POU6F2: variants seen among roughly 807,000 people sequenced by gnomAD.
POU6F2 encodes the protein POU domain, class 6, transcription factor 2.
POU6F2 carries 31 observed loss-of-function variants against 71.3 expected under a neutral mutation model. The observed-to-expected ratio is 0.43, with a 90% CI of 0.33 to 0.59. POU6F2 has a LOEUF of 0.59. Among genes scored for constraint, POU6F2 ranks in the 20% least tolerant of loss-of-function variants. The pLI, the probability that POU6F2 is intolerant of heterozygous loss-of-function variation, is 0.04. For missense variants in POU6F2, 783 were observed against 856.8 expected (o/e 0.91, Z 1.07); for synonymous variants, 347 against 355.7 (o/e 0.98, Z 0.27).
At chr7:39,080,636 T>C (rs1791098761) in intron 1 of POU6F2, among the ~76,000 whole-genome samples, 1 of 152,220 alleles carries the variant, frequency 6.6e-6, no homozygotes, top group South Asian at 2.1e-4. Context: ...ATGAATTGTT[T>C]CCCTGGATTT....
At chr7:39,099,822 C>G (rs867038342) in intron 2 of POU6F2, among the ~76,000 whole-genome samples, 12 of 152,116 alleles carry the variant, frequency 7.9e-5, no homozygotes, top group Admixed American at 1.3e-4. Flanking sequence ...CGTATTTTTC[C>G]AAGGTCTGAG....
chr7:39,157,146 C>T (rs1422237631), intron 2 of POU6F2, among the ~76,000 whole-genome samples: 1 of 152,174 alleles, frequency 6.6e-6, no homozygotes, highest in South Asian at 2.1e-4. Flanking sequence ...TGTTCAATTC[C>T]GGTGGGGGAA....
intron 4 of POU6F2, among the ~76,000 whole-genome samples, chr7:39,321,954 T>A (rs1785404831): frequency 7.0e-6 from 1 of 143,740 alleles, no homozygotes; most frequent in East Asian, 2.0e-4. Flanking sequence ...ATTACATGAG[T>A]CCAGACAAAC....
At chr7:39,248,129 C>T (rs1190152144) in intron 4 of POU6F2, among the ~76,000 whole-genome samples, 2 of 152,020 alleles carry the variant, frequency 1.3e-5, no homozygotes, top group Non-Finnish European at 2.9e-5. Flanking sequence ...AGCACAGTGG[C>T]ATTACTACTC....
intron 4 of POU6F2, among the ~76,000 whole-genome samples, chr7:39,229,004 C>G (rs1399990563): frequency 6.6e-6 from 1 of 152,150 alleles, no homozygotes; most frequent in Non-Finnish European, 1.5e-5. Context: ...ACAAGTACAT[C>G]CCTGCTGATC....
intron 1 of POU6F2, among the ~76,000 whole-genome samples, chr7:39,026,726 T>C (rs950813208): frequency 1.3e-5 from 2 of 152,168 alleles, no homozygotes; most frequent in Non-Finnish European, 2.9e-5. Flanking sequence ...ATTGTGCACA[T>C]GTACCCTAAA....
At chr7:39,200,471 G>T (rs530588135) in intron 2 of POU6F2, among the ~76,000 whole-genome samples, 1 of 152,234 alleles carries the variant, frequency 6.6e-6, no homozygotes, top group South Asian at 2.1e-4. Flanking sequence ...TGGACTAAAG[G>T]AAGCAACTCT....
chr7:39,159,927 C>T (rs929312066), intron 2 of POU6F2, among the ~76,000 whole-genome samples: 2 of 152,170 alleles, frequency 1.3e-5, no homozygotes, highest in Non-Finnish European at 2.9e-5. Context: ...CAGAAAGACA[C>T]GCCTTCCCAG....
chr7:39,433,556 T>G (rs12112347), intron 7 of POU6F2, among the ~76,000 whole-genome samples: 1 of 152,208 alleles, frequency 6.6e-6, no homozygotes, highest in Non-Finnish European at 1.5e-5. Flanking sequence ...TGTATTCTTA[T>G]TAATCTGTGC....
At chr7:39,266,341 A>G (rs1784240124) in intron 4 of POU6F2, among the ~76,000 whole-genome samples, 1 of 152,166 alleles carries the variant, frequency 6.6e-6, no homozygotes. Flanking sequence ...ATCGTTTTGC[A>G]CCACAAGGAT....
At chr7:39,330,897 T>TA (rs1785632381) in intron 4 of POU6F2, among the ~76,000 whole-genome samples, 1 of 152,214 alleles carries the variant, frequency 6.6e-6, no homozygotes, top group South Asian at 2.1e-4. Flanking sequence ...TATCTAATTT[T>TA]AAGTCTGTAC....
chr7:39,030,500 C>CA (rs1789911574), intron 1 of POU6F2, among the ~76,000 whole-genome samples: 1 of 46,246 alleles, frequency 2.2e-5, no homozygotes, highest in Non-Finnish European at 4.2e-5. Context: ...TCAAAAAATA[C>CA]TATATATATA....
At chr7:39,069,790 C>T (rs1525790) in intron 1 of POU6F2, among the ~76,000 whole-genome samples, 6 of 152,112 alleles carry the variant, frequency 3.9e-5, no homozygotes, top group Non-Finnish European at 7.4e-5. Flanking sequence ...TTATCATAAA[C>T]GTATTCATCT....
intron 5 of POU6F2, among the ~76,000 whole-genome samples, chr7:39,354,586 A>G (rs1254542221): frequency 6.6e-6 from 1 of 152,212 alleles, no homozygotes; most frequent in Non-Finnish European, 1.5e-5. Context: ...TGGACGGCGT[A>G]TAGTATTTTT....
chr7:39,286,416 A>G (rs1784650272), intron 4 of POU6F2, among the ~76,000 whole-genome samples: 1 of 152,242 alleles, frequency 6.6e-6, no homozygotes, highest in South Asian at 2.1e-4. Context: ...TTTAGAAACC[A>G]CAGCATGGTT....
chr7:39,346,367 C>T (rs546999195), intron 5 of POU6F2, among the ~76,000 whole-genome samples: 4 of 152,276 alleles, frequency 2.6e-5, no homozygotes, highest in South Asian at 2.1e-4. Flanking sequence ...TGGAAACTCA[C>T]GTCAAGTAGC....
At chr7:39,450,046 A>G (rs1788621615) in intron 7 of POU6F2, among the ~76,000 whole-genome samples, 1 of 152,234 alleles carries the variant, frequency 6.6e-6, no homozygotes, top group Non-Finnish European at 1.5e-5. Context: ...ACGTGTGTAC[A>G]CATTTGACAA....
At chr7:39,270,124 T>C (rs991876838) in intron 4 of POU6F2, among the ~76,000 whole-genome samples, 4 of 152,220 alleles carry the variant, frequency 2.6e-5, no homozygotes, top group Admixed American at 1.3e-4. Flanking sequence ...ATCACAGATA[T>C]AGGAATGAGC....
At chr7:39,076,402 A>G (rs1451625020) in intron 1 of POU6F2, among the ~76,000 whole-genome samples, 2 of 152,176 alleles carry the variant, frequency 1.3e-5, no homozygotes, top group Non-Finnish European at 2.9e-5. Context: ...TCTAACACCT[A>G]AGTGTTTTGG....
Sources: allele counts gnomAD v4.1 joint callset (sites outside exome capture counted in the v4.1 genomes callset), GRCh38; gene constraint gnomAD v4.1.1; transcripts MANE v1.5; gene names NCBI Gene and HGNC (gene_info 2026-07-23, HGNC 2026-07-21).